The following MPPED1 variants were observed in gnomAD, a reference collection of about 807,000 sequenced individuals.
MPPED1 encodes the protein metallophosphoesterase domain-containing protein 1.
MPPED1 carries 16 observed loss-of-function variants against 36.2 expected under a neutral mutation model. The ratio of observed to expected loss-of-function variants is 0.44; its 90% CI spans 0.30 to 0.67. The LOEUF (loss-of-function observed/expected upper bound fraction) is 0.67, where lower values mean the gene tolerates loss of function less well. Ranked by LOEUF, MPPED1 falls within the 30% of genes least tolerant of loss-of-function variation. The pLI is 0.10. For synonymous variants in MPPED1, 199 were observed against 191.3 expected (o/e 1.04, Z -0.33); for missense variants, 307 against 453.4 (o/e 0.68, Z 2.93).
In MPPED1 at chr22:43,502,214, C is replaced by A. The variant is rs1464670068; in HGVS notation, c.749-430C>A. Among the ~76,000 whole-genome samples the A allele has an allele frequency of 6.6e-6, 1 of 152,076 alleles. No homozygotes were observed. The highest frequency in any genetic ancestry group is 1.5e-5 in the Non-Finnish European group (1 of 68,024). ...CACTCCTGGGCTGTGTATCAGGACG[C>A]CCTGCTCTGCAACTAACCACCAGGG... On this transcript the variant is annotated intron_variant, in intron 5 of 6. Transcript: ENST00000443721. This position sits in a 1 kb window ranked among gnomAD's most constrained non-coding sequence, Gnocchi z 5.5.
At chr22:43,425,475 G>A (rs1601947827) in intron 2 of MPPED1, among the ~76,000 whole-genome samples, 1 of 152,234 alleles carries the variant, frequency 6.6e-6, no homozygotes, top group Admixed American at 6.5e-5. Flanking sequence ...TAAAGATGAG[G>A]TGGATGCACA....
intron 3 of MPPED1, among the ~76,000 whole-genome samples, chr22:43,440,341 T>C (rs1930107547): frequency 6.6e-6 from 1 of 152,178 alleles, no homozygotes; most frequent in Non-Finnish European, 1.5e-5. Flanking sequence ...AGGACGAGGC[T>C]AGAAGCTGGG....
intron 4 of MPPED1, among the ~76,000 whole-genome samples, chr22:43,490,389 G>A (rs910189081): frequency 2.0e-5 from 3 of 152,160 alleles, no homozygotes; most frequent in African/African-American, 4.8e-5. Flanking sequence ...TGGGCATTGG[G>A]GTGGGGGAAC....
chr22:43,419,448 G>A (rs971173763), intron 1 of MPPED1, among the ~76,000 whole-genome samples: 1 of 152,138 alleles, frequency 6.6e-6, no homozygotes, highest in Non-Finnish European at 1.5e-5. Context: ...CTGGACAGAG[G>A]GAATAGCATT....
rs135076 is a variant in MPPED1 at position 43,431,021 on chromosome 22, A to ATT, written c.225-3975_225-3974dup. Among the ~76,000 whole-genome samples the ATT allele has an allele frequency of 1.4e-4, 6 of 42,306 alleles. 1 individual carries two copies. Among genetic ancestry groups the ATT allele is most frequent in the Non-Finnish European group, 2.7e-4 (5 of 18,824 alleles). 27.8% of individuals were successfully genotyped at this position (42,306 alleles called of 152,430 possible). On this transcript the variant is annotated intron_variant, in intron 2 of 6. Coordinates refer to ENST00000443721, the MANE Select transcript of MPPED1 (RefSeq NM_001044370.2). ...CTGTCTCTTTCTACTGTTGTTGTTAATTTTTTTTTTTTTTTTTTTTTTTTT... is the reference window on the plus strand; with the variant it reads ...CTGTCTCTTTCTACTGTTGTTGTTAATTTTTTTTTTTTTTTTTTTTTTTTTTT...
chr22:43,413,729 T>C (rs2146806600), intron 1 of MPPED1, among the ~76,000 whole-genome samples: 1 of 152,330 alleles, frequency 6.6e-6, no homozygotes, highest in Non-Finnish European at 1.5e-5. Flanking sequence ...AAAATCTTTT[T>C]CTGGAGATGG....
At chr22:43,495,801 A>T (rs1452945382) in intron 4 of MPPED1, among the ~76,000 whole-genome samples, 4 of 4,560 alleles carry the variant, frequency 8.8e-4, no homozygotes, top group Non-Finnish European at 9.9e-4. Context: ...GTGGTGATGG[A>T]GGTGGTGGTG....
At chr22:43,504,794 T>G (rs1018282005) in intron 6 of MPPED1, among the ~76,000 whole-genome samples, 9 of 151,600 alleles carry the variant, frequency 5.9e-5, no homozygotes, top group Non-Finnish European at 2.9e-5. Context: ...ATGATGATGT[T>G]GATGGTGGTG....
chr22:43,471,586 C>T (rs1001801925), intron 3 of MPPED1, among the ~76,000 whole-genome samples: 15 of 152,216 alleles, frequency 9.9e-5, no homozygotes, highest in African/African-American at 3.1e-4. Flanking sequence ...TCTCCACCAG[C>T]GGTCCAGAAG....
intron 3 of MPPED1, among the ~76,000 whole-genome samples, chr22:43,466,980 C>T (rs1056745867): frequency 3.9e-5 from 6 of 152,176 alleles, no homozygotes; most frequent in African/African-American, 1.4e-4. Flanking sequence ...TTTCTGTGTC[C>T]ATGTGTCTTA....
chr22:43,469,715 C>A (rs894143482), intron 3 of MPPED1, among the ~76,000 whole-genome samples: 3 of 152,096 alleles, frequency 2.0e-5, no homozygotes, highest in African/African-American at 7.2e-5. Context: ...AAATGCCCTG[C>A]CAGGGACAGT....
chr22:43,489,452 C>T (rs1234012612), intron 4 of MPPED1, among the ~76,000 whole-genome samples: 2 of 152,142 alleles, frequency 1.3e-5, no homozygotes, highest in Non-Finnish European at 1.5e-5. Context: ...TGCTCCCCAG[C>T]GAGCAGTCTG....
Position 43,447,117 on chromosome 22 carries a change from G to T in MPPED1, c.406+11902G>T, listed in dbSNP as rs374871331. Among the ~76,000 whole-genome samples the T allele has an allele frequency of 5.3e-5, 8 of 152,166 alleles. No homozygotes were observed. In the East Asian group the frequency reaches 7.7e-4, roughly 15 times the overall value. On this transcript the variant is annotated intron_variant, in intron 3 of 6. Coordinates refer to ENST00000443721, the MANE Select transcript of MPPED1 (RefSeq NM_001044370.2). ...GGATGAGAGAGGATGTATGCCAAGCGTGCAGTCTGGGGCTGTGCCAGGTTC... is the reference window on the plus strand; with the variant it reads ...GGATGAGAGAGGATGTATGCCAAGCTTGCAGTCTGGGGCTGTGCCAGGTTC...
intron 5 of MPPED1, among the ~76,000 whole-genome samples, chr22:43,501,004 G>A (rs1433372490): frequency 6.6e-6 from 1 of 152,094 alleles, no homozygotes; most frequent in African/African-American, 2.4e-5. Flanking sequence ...TCACACACCA[G>A]TTCAGGAAGA....
At chr22:43,416,313 A>G (rs1016003207) in intron 1 of MPPED1, 1 of 152,200 alleles carries the variant, frequency 6.6e-6, no homozygotes, top group African/African-American at 2.4e-5. Context: ...CAAAACATAC[A>G]CTTGAACTGA....
intron 3 of MPPED1, among the ~76,000 whole-genome samples, chr22:43,463,906 CTT>C (rs1332246755): frequency 9.1e-6 from 1 of 109,916 alleles, no homozygotes; most frequent in Non-Finnish European, 1.9e-5. Context: ...TCTTTCTTTT[CTT>C]TTCTTTCTTC....
intron 3 of MPPED1, among the ~76,000 whole-genome samples, chr22:43,447,947 C>T (rs1393910099): frequency 4.2e-5 from 6 of 143,164 alleles, no homozygotes; most frequent in African/African-American, 7.8e-5. Context: ...GGTGCGATCT[C>T]GGCTCACTAC....
At chr22:43,421,662 C>T (rs1427696066) in intron 1 of MPPED1, among the ~76,000 whole-genome samples, 1 of 152,234 alleles carries the variant, frequency 6.6e-6, no homozygotes. Context: ...GGGCACCAGG[C>T]AAAGTCTCCA....
Position 43,505,797 on chromosome 22 carries a change from G to A in MPPED1, c.*181G>A, listed in dbSNP as rs147675588. ...CTGTCACCTGGAGTTGGGACCCTGCGCATCCCCATCAGGGGTTCTGTGCTC... is the reference window on the plus strand; with the variant it reads ...CTGTCACCTGGAGTTGGGACCCTGCACATCCCCATCAGGGGTTCTGTGCTC... On this transcript the variant is annotated 3_prime_UTR_variant, in exon 7 of 7. Transcript: ENST00000443721. 1.6e-3 allele frequency: 962 copies of A among 584,974 alleles called. 7 individuals carry two copies. Among genetic ancestry groups the A allele is most frequent in the African/African-American group, 0.015 (794 of 53,636 alleles). 36.2% of individuals were successfully genotyped at this position (584,974 alleles called of 1,614,324 possible).
Sources: gnomAD v4.1 joint callset for allele counts (sites outside exome capture counted in the v4.1 genomes callset) on GRCh38, gnomAD v4.1.1 for gene constraint, Gnocchi (gnomAD v3.1) non-coding constraint, MANE v1.5 for transcripts, NCBI Gene and HGNC (gene_info 2026-07-23, HGNC 2026-07-21) for gene names.